Variants in LINGO2 observed in about 807,000 individuals in gnomAD.
LINGO2 encodes leucine rich repeat and Ig domain containing 2, also known as leucine-rich repeat and immunoglobulin-like domain-containing nogo receptor-interacting protein 2.
In LINGO2, 14 loss-of-function variants were observed where a neutral mutation model predicts 30.6. That is an observed-to-expected ratio of 0.46 (90% CI 0.30 to 0.72). The LOEUF is 0.72. Ranked by LOEUF, LINGO2 falls within the 30% of genes least tolerant of loss-of-function variation. The pLI is 0.07. For missense variants in LINGO2, 729 were observed against 751.7 expected (o/e 0.97, Z 0.35); for synonymous variants, 317 against 288.5 (o/e 1.10, Z -1.00).
chr9:28,263,182 T>C (rs935021026), intron 4 of LINGO2, among the ~76,000 whole-genome samples: 3 of 151,948 alleles, frequency 2.0e-5, no homozygotes, highest in African/African-American at 7.2e-5. Context: ...CCATGGCAAT[T>C]TGCTTCTCAA....
intron 1 of LINGO2, among the ~76,000 whole-genome samples, chr9:28,634,647 G>A (rs1360573087): frequency 1.3e-5 from 2 of 151,728 alleles, no homozygotes; most frequent in African/African-American, 4.8e-5. Context: ...CAGCACACCT[G>A]GCTAACTTTT....
intron 4 of LINGO2, among the ~76,000 whole-genome samples, chr9:28,221,946 C>G (rs1211855061): frequency 1.3e-5 from 2 of 152,032 alleles, no homozygotes; most frequent in Non-Finnish European, 2.9e-5. Flanking sequence ...AGTCTAAATC[C>G]ATTTTGGAAA....
rs979510789 is a variant in LINGO2, at chr9:28,166,809, C to G, written c.-87+128399G>C. On this transcript the variant is annotated intron_variant, in intron 4 of 5. Coordinates refer to ENST00000379992, the Ensembl canonical transcript of LINGO2. ...ACAAAAAACAAACAAACAAAAAAAT[C>G]AGAGTGAATTTATGGATTCTATCAA... 2.6e-5 allele frequency among the ~76,000 whole-genome samples: 4 copies of G among 151,848 alleles called. No homozygotes were observed. In the East Asian group the frequency reaches 7.8e-4, roughly 30 times the overall value.
the LINGO2 span, among the ~76,000 whole-genome samples, chr9:29,167,341 G>T: frequency 6.6e-6 from 1 of 152,010 alleles, no homozygotes; most frequent in Admixed American, 6.6e-5. Flanking sequence ...TTCTGTTTTC[G>T]TACTTAAATT....
At chr9:29,158,184 TAAAAAAAAACA>T in the LINGO2 span, among the ~76,000 whole-genome samples, 3 of 119,698 alleles carry the variant, frequency 2.5e-5, no homozygotes, top group African/African-American at 3.2e-5. Flanking sequence ...CTACACAAAG[TAAAAAAAAACA>T]AAAAAAAAAC....
chr9:28,856,144 G>A, the LINGO2 span, among the ~76,000 whole-genome samples: 5 of 151,968 alleles, frequency 3.3e-5, no homozygotes, highest in African/African-American at 1.2e-4. Flanking sequence ...ATATGAATAG[G>A]AATAATTCTG....
the LINGO2 span, among the ~76,000 whole-genome samples, chr9:28,956,329 T>C: frequency 3.9e-5 from 6 of 152,130 alleles, no homozygotes; most frequent in Non-Finnish European, 1.5e-5. Flanking sequence ...GCTGCTGTGA[T>C]GCCAAACAGG....
At chr9:28,330,201 T>A (rs1825371062) in intron 3 of LINGO2, among the ~76,000 whole-genome samples, 1 of 152,168 alleles carries the variant, frequency 6.6e-6, no homozygotes, top group Non-Finnish European at 1.5e-5. Flanking sequence ...CAAGTCAAGA[T>A]AAGAGACCTC....
intron 4 of LINGO2, among the ~76,000 whole-genome samples, chr9:28,084,395 C>T (rs183504924): frequency 1.2e-4 from 18 of 152,042 alleles, no homozygotes; most frequent in African/African-American, 2.9e-4. Flanking sequence ...ATAATAAATA[C>T]GAATTGGATG....
intron 4 of LINGO2, among the ~76,000 whole-genome samples, chr9:28,187,684 G>A (rs1280609379): frequency 2.6e-5 from 4 of 152,016 alleles, no homozygotes; most frequent in Non-Finnish European, 5.9e-5. Context: ...AAGATAAGGG[G>A]GGCAGACATA....
chr9:28,337,171 T>C (rs1450539913), intron 3 of LINGO2, among the ~76,000 whole-genome samples: 1 of 150,770 alleles, frequency 6.6e-6, no homozygotes, highest in Non-Finnish European at 1.5e-5. Flanking sequence ...AATAGTAGAA[T>C]TATGAGAAAA....
intron 5 of LINGO2, among the ~76,000 whole-genome samples, chr9:27,975,409 G>C (rs1468267445): frequency 6.6e-6 from 1 of 152,040 alleles, no homozygotes; most frequent in African/African-American, 2.4e-5. Context: ...GGGGGCTGGG[G>C]TTGAGGAAGT....
the LINGO2 span, among the ~76,000 whole-genome samples, chr9:28,877,509 A>T: frequency 1.3e-5 from 2 of 152,210 alleles, no homozygotes; most frequent in African/African-American, 4.8e-5. Flanking sequence ...TAAATAGGGA[A>T]TCCTTTCCCC....
chr9:28,555,592 T>C (rs1822617451), intron 1 of LINGO2, among the ~76,000 whole-genome samples: 1 of 152,052 alleles, frequency 6.6e-6, no homozygotes. Context: ...GTACCATTCC[T>C]TCTGAAACTA....
At position 28,108,539 on chromosome 9, in the gene LINGO2, T is replaced by C. The variant is rs571285770; in HGVS notation, c.-86-96134A>G. Among the ~76,000 whole-genome samples the C allele has an allele frequency of 8.5e-4, 129 of 152,144 alleles. 1 individual carries two copies. Among genetic ancestry groups the C allele is most frequent in the Middle Eastern group, 3.4e-3 (1 of 294 alleles). On this transcript the variant is annotated intron_variant, in intron 4 of 5. Coordinates refer to ENST00000379992, the Ensembl canonical transcript of LINGO2. Reference sequence around the variant, plus strand: ...AGTAACATCAAATCCAAGAAGGAGATAGGGAAGGGAAAGAAAAAATATATT... The same window carrying C: ...AGTAACATCAAATCCAAGAAGGAGACAGGGAAGGGAAAGAAAAAATATATT...
At position 28,466,460 on chromosome 9, in the gene LINGO2, T is replaced by C. The variant is rs112088227; in HGVS notation, c.-279+9480A>G. 8.8e-3 allele frequency among the ~76,000 whole-genome samples: 1,335 copies of C among 152,072 alleles called. 18 individuals are homozygous for C. Among genetic ancestry groups the C allele is most frequent in the African/African-American group, 0.031 (1,270 of 41,456 alleles). Reference sequence around the variant, plus strand: ...GAGTAGATGATGAGTTTGGGAAGGGTAGGTGGAAGAGGGGGAGGTGGTGAT... The same window carrying C: ...GAGTAGATGATGAGTTTGGGAAGGGCAGGTGGAAGAGGGGGAGGTGGTGAT... On this transcript the variant is annotated intron_variant, in intron 2 of 5. Transcript: ENST00000379992.
At chr9:29,059,618 A>T in the LINGO2 span, among the ~76,000 whole-genome samples, 1 of 152,016 alleles carries the variant, frequency 6.6e-6, no homozygotes, top group Admixed American at 6.6e-5. Context: ...TCAAGCTAAC[A>T]CAATTTATAA....
chr9:28,342,722 C>A (rs1819397140), intron 3 of LINGO2, among the ~76,000 whole-genome samples: 1 of 152,044 alleles, frequency 6.6e-6, no homozygotes, highest in Admixed American at 6.6e-5. Flanking sequence ...GAGTAAAAAA[C>A]TTACAAATGT....
At chr9:28,086,882 A>G (rs1329304203) in intron 4 of LINGO2, among the ~76,000 whole-genome samples, 1 of 152,116 alleles carries the variant, frequency 6.6e-6, no homozygotes, top group East Asian at 1.9e-4. Flanking sequence ...GATTATAAAA[A>G]TGGCTCCAAT....
Sources: gnomAD v4.1 joint callset for allele counts (sites outside exome capture counted in the v4.1 genomes callset) on GRCh38, gnomAD v4.1.1 for gene constraint, MANE v1.5 for transcripts, NCBI Gene and HGNC (gene_info 2026-07-23, HGNC 2026-07-21) for gene names.